GABBR2: variants seen among roughly 807,000 people sequenced by gnomAD.
GABBR2 encodes the protein gamma-aminobutyric acid type B receptor subunit 2, also known as G-protein coupled receptor 51.
A neutral mutation model predicts 105.6 loss-of-function variants in GABBR2; 23 were observed. The ratio of observed to expected loss-of-function variants is 0.22; its 90% CI spans 0.16 to 0.31. The LOEUF is 0.31. GABBR2 is among the 10% of genes least tolerant of loss of function. GABBR2 has a pLI of 1.00. For synonymous variants in GABBR2, 478 were observed against 499.7 expected (o/e 0.96, Z 0.58); for missense variants, 734 against 1,245.5 (o/e 0.59, Z 6.18).
intron 2 of GABBR2, among the ~76,000 whole-genome samples, chr9:98,568,228 G>C (rs1000297438): frequency 6.6e-6 from 1 of 152,106 alleles, no homozygotes; most frequent in Admixed American, 6.5e-5. Context: ...ACACATTATT[G>C]GGTCCCTGTA....
intron 1 of GABBR2, among the ~76,000 whole-genome samples, chr9:98,632,760 C>T (rs1829830115): frequency 6.6e-6 from 1 of 152,182 alleles, no homozygotes; most frequent in Non-Finnish European, 1.5e-5. Context: ...GCCATCCCTG[C>T]TGTGGTCTGA....
chr9:98,552,161 C>A (rs1025433976), intron 2 of GABBR2: 2 of 152,164 alleles, frequency 1.3e-5, no homozygotes, highest in African/African-American at 2.4e-5. Context: ...TTGGGGCATC[C>A]GAGTTTAGCT....
rs188383243 is a variant in GABBR2, at chr9:98,483,745, T to C, written c.733-2748A>G. On this transcript the variant is annotated intron_variant, in intron 4 of 18. Coordinates refer to ENST00000259455, the MANE Select transcript of GABBR2 (RefSeq NM_005458.8). ...CAGCTGCTACTCACCCTTCCTACCTTAGCCCAGGCTCCTCTGTTCTGAGAA... is the reference window on the plus strand; with the variant it reads ...CAGCTGCTACTCACCCTTCCTACCTCAGCCCAGGCTCCTCTGTTCTGAGAA... Among the ~76,000 whole-genome samples the C allele has an allele frequency of 4.5e-4, 68 of 152,224 alleles. 1 individual carries two copies. In the East Asian group the frequency reaches 0.013, roughly 29 times the overall value.
intron 13 of GABBR2, among the ~76,000 whole-genome samples, chr9:98,344,338 T>C (rs1162431583): frequency 2.0e-5 from 3 of 152,198 alleles, no homozygotes; most frequent in Admixed American, 1.3e-4. Flanking sequence ...TTTCCTTTTT[T>C]CCAAGAATAC....
In GABBR2 at chr9:98,317,961, G is replaced by A. The variant is rs147354074; in HGVS notation, c.1894-6756C>T. Among the ~76,000 whole-genome samples, 302 of 152,306 alleles carry A rather than the reference G, an allele frequency of 2.0e-3. 2 individuals are homozygous for A. Among genetic ancestry groups the A allele is most frequent in the African/African-American group, 6.9e-3 (286 of 41,572 alleles). Reference sequence around the variant, plus strand: ...TAGCCTGGGATGGCTACTCTGCAGTGGTGACATTTAGTCTGAGACCCGGCA... The same window carrying A: ...TAGCCTGGGATGGCTACTCTGCAGTAGTGACATTTAGTCTGAGACCCGGCA... On this transcript the variant is annotated intron_variant, in intron 13 of 18. Transcript: ENST00000259455.
At chr9:98,367,390 G>A (rs956132441) in intron 12 of GABBR2, among the ~76,000 whole-genome samples, 2 of 151,666 alleles carry the variant, frequency 1.3e-5, no homozygotes, top group Admixed American at 6.6e-5. Context: ...GACAAATATT[G>A]TATGGTTTAA....
At chr9:98,339,672 A>G (rs1399002498) in intron 13 of GABBR2, among the ~76,000 whole-genome samples, 1 of 152,228 alleles carries the variant, frequency 6.6e-6, no homozygotes, top group Non-Finnish European at 1.5e-5. Flanking sequence ...AGATTTCTCT[A>G]AGGTGTGTTT....
At chr9:98,497,819 T>C (rs1175264698) in intron 3 of GABBR2, among the ~76,000 whole-genome samples, 1 of 152,188 alleles carries the variant, frequency 6.6e-6, no homozygotes, top group Non-Finnish European at 1.5e-5. Flanking sequence ...GAAAACAGTA[T>C]AGCAGCCCCT....
At chr9:98,575,113 AAG>A (rs1309465945) in intron 2 of GABBR2, among the ~76,000 whole-genome samples, 1 of 152,040 alleles carries the variant, frequency 6.6e-6, no homozygotes, top group Non-Finnish European at 1.5e-5. Flanking sequence ...GCAAAACCCT[AAG>A]AGAGAGACAG....
At chr9:98,626,774 C>T (rs553280111) in intron 1 of GABBR2, among the ~76,000 whole-genome samples, 13 of 152,252 alleles carry the variant, frequency 8.5e-5, no homozygotes, top group Non-Finnish European at 1.6e-4. Context: ...CTCTGCTCTG[C>T]GATGCAGTGG....
At chr9:98,607,861 G>T (rs773101034) in intron 1 of GABBR2, 253 of 1,288,910 alleles carry the variant, frequency 2.0e-4, no homozygotes, top group Non-Finnish European at 2.5e-4. Context: ...AAGGGAGCAT[G>T]TAGCTAAAAT....
chr9:98,431,707 TG>T (rs1438250566), intron 7 of GABBR2, among the ~76,000 whole-genome samples: 1 of 151,966 alleles, frequency 6.6e-6, no homozygotes, highest in East Asian at 1.9e-4. Context: ...TGTTTTGTTT[TG>T]TTTTTTTGAT....
At position 98,573,032 on chromosome 9, in the gene GABBR2, C is replaced by T. The variant is rs1393846278; in HGVS notation, c.459+4903G>A. The stretch of plus-strand genomic sequence containing the variant: ...GAGGCTGAGATTCTGCATGGTCCAC[C>T]GCCCTCCCTGCCCTACAGTCAGGGC... On this transcript the variant is annotated intron_variant, in intron 2 of 18. Coordinates refer to ENST00000259455, the MANE Select transcript of GABBR2 (RefSeq NM_005458.8). Among the ~76,000 whole-genome samples, 6 of 152,144 alleles carry T rather than the reference C, an allele frequency of 3.9e-5. No individual in the cohort carries two copies. In the East Asian group the frequency reaches 5.8e-4, roughly 15 times the overall value.
intron 7 of GABBR2, among the ~76,000 whole-genome samples, chr9:98,411,091 T>C (rs942679422): frequency 6.6e-6 from 1 of 152,188 alleles, no homozygotes; most frequent in Non-Finnish European, 1.5e-5. Context: ...ACAGAGCAGA[T>C]TTGGAATACA....
At chr9:98,361,740 G>C (rs1831588081) in intron 13 of GABBR2, among the ~76,000 whole-genome samples, 1 of 152,212 alleles carries the variant, frequency 6.6e-6, no homozygotes, top group Admixed American at 6.5e-5. Context: ...CTATGTGGAA[G>C]GTGGTCAGGT....
intron 1 of GABBR2, among the ~76,000 whole-genome samples, chr9:98,640,591 C>T (rs776451797): frequency 6.6e-6 from 1 of 152,042 alleles, no homozygotes; most frequent in Non-Finnish European, 1.5e-5. Flanking sequence ...TACGAGATGC[C>T]CTCTGGGGGA....
At chr9:98,460,793 A>G (rs982185664) in intron 6 of GABBR2, among the ~76,000 whole-genome samples, 2 of 152,346 alleles carry the variant, frequency 1.3e-5, no homozygotes, top group South Asian at 2.1e-4. Context: ...ATGAAATCCT[A>G]TGGAGCTCTA....
chr9:98,508,949 G>C (rs2808563), intron 3 of GABBR2, among the ~76,000 whole-genome samples: 94,078 of 152,226 alleles, frequency 0.62, 29,266 homozygotes, highest in East Asian at 0.76. Context: ...AGCTGGAGAT[G>C]TGACAATGGG....
At chr9:98,582,209 T>G (rs546085629) in intron 1 of GABBR2, among the ~76,000 whole-genome samples, 1 of 152,338 alleles carries the variant, frequency 6.6e-6, no homozygotes, top group East Asian at 1.9e-4. Context: ...TGTAGTCACA[T>G]AAGTCCTTAA....
Sources: allele counts gnomAD v4.1 joint callset (sites outside exome capture counted in the v4.1 genomes callset), GRCh38; gene constraint gnomAD v4.1.1; transcripts MANE v1.5; gene names NCBI Gene and HGNC (gene_info 2026-07-23, HGNC 2026-07-21).